NFIB: variants seen among roughly 807,000 people sequenced by gnomAD.
The protein encoded by NFIB is nuclear factor I B, also known as nuclear factor 1 B-type.
NFIB carries 11 observed loss-of-function variants against 61.5 expected under a neutral mutation model. That is an observed-to-expected ratio of 0.18 (90% confidence interval 0.11 to 0.30). The LOEUF (loss-of-function observed/expected upper bound fraction) is 0.30. Ranked by LOEUF, NFIB falls within the 10% of genes least tolerant of loss-of-function variation. NFIB has a pLI of 1.00. For synonymous variants in NFIB, 260 were observed against 216.5 expected, an observed-to-expected ratio of 1.20 and a Z score of -1.76; for missense variants, 471 against 608.9, an observed-to-expected ratio of 0.77 and a Z score of 2.38.
chr9:14,176,026 G>A (rs941297384), intron 3 of NFIB, among the ~76,000 whole-genome samples: 1 of 152,136 alleles, frequency 6.6e-6, no homozygotes, highest in Non-Finnish European at 1.5e-5. Context: ...TCCAAAGAAT[G>A]TAGACACACA....
chr9:14,264,914 T>C (rs1263173242), intron 2 of NFIB, among the ~76,000 whole-genome samples: 5 of 151,740 alleles, frequency 3.3e-5, no homozygotes, highest in Non-Finnish European at 5.9e-5. Context: ...CCTCTTAACA[T>C]GTTCCTGTGC....
intron 10 of NFIB, among the ~76,000 whole-genome samples, chr9:14,090,492 C>A (rs2033714072): frequency 6.6e-6 from 1 of 152,048 alleles, no homozygotes; most frequent in Non-Finnish European, 1.5e-5. Flanking sequence ...TCATAAATAT[C>A]TCTATCTGGG....
the NFIB span, among the ~76,000 whole-genome samples, chr9:14,446,287 C>A: frequency 6.6e-6 from 1 of 152,116 alleles, no homozygotes; most frequent in Non-Finnish European, 1.5e-5. Context: ...AACATTGTAT[C>A]AGTTCTGAAA....
At chr9:14,211,128 C>G (rs558508977) in intron 2 of NFIB, among the ~76,000 whole-genome samples, 1 of 152,060 alleles carries the variant, frequency 6.6e-6, no homozygotes, top group Non-Finnish European at 1.5e-5. Context: ...GAAAAACTTG[C>G]GGTAAAATTA....
rs866813182 is a variant in NFIB at position 14,272,653 on chromosome 9, A to G, written c.562+34336T>C. 2.7e-5 allele frequency among the ~76,000 whole-genome samples: 4 copies of G among 149,410 alleles called. No individual in the cohort carries two copies. The South Asian group carries it at 8.6e-4, about 32-fold the overall frequency. ...CTCCACTTTATCTTCTACCTCCAGGAAAGTCATCCACAGTAGCAACAGCTA... is the reference window on the plus strand; with the variant it reads ...CTCCACTTTATCTTCTACCTCCAGGGAAGTCATCCACAGTAGCAACAGCTA... On this transcript the variant is annotated intron_variant, in intron 2 of 10. Transcript: ENST00000380953.
At chr9:14,342,119 C>T (rs1332131010) in intron 1 of NFIB, among the ~76,000 whole-genome samples, 1 of 152,152 alleles carries the variant, frequency 6.6e-6, no homozygotes, top group Non-Finnish European at 1.5e-5. Flanking sequence ...AGCAAAAGCT[C>T]TCTGGGCCTG....
In NFIB at chr9:14,092,062, A is replaced by T. The variant is rs563591471; in HGVS notation, c.1468-3736T>A. ...TAGAGCTTAAGATGCATTACTGGTG[A>T]TGGTCCTGCTTCATTTTGTTATTGG... On this transcript the variant is annotated intron_variant, in intron 10 of 10. Coordinates refer to ENST00000380953, the MANE Select transcript of NFIB (RefSeq NM_001190737.2). Among the ~76,000 whole-genome samples, 12 of 152,272 alleles carry T rather than the reference A, an allele frequency of 7.9e-5. No individual in the cohort carries two copies. The South Asian group carries it at 2.1e-3, about 26-fold the overall frequency.
intron 1 of NFIB, among the ~76,000 whole-genome samples, chr9:14,340,792 C>T (rs2060940282): frequency 6.6e-6 from 1 of 152,066 alleles, no homozygotes; most frequent in Non-Finnish European, 1.5e-5. Flanking sequence ...GCTCTGTAGG[C>T]AGTTGTGCCA....
chr9:14,195,648 C>T (rs545215550), intron 2 of NFIB, among the ~76,000 whole-genome samples: 1 of 152,202 alleles, frequency 6.6e-6, no homozygotes, highest in Non-Finnish European at 1.5e-5. Flanking sequence ...AGTTTGGCTA[C>T]AGCAATCTGG....
intron 2 of NFIB, among the ~76,000 whole-genome samples, chr9:14,267,600 T>A (rs982566415): frequency 6.6e-6 from 1 of 152,216 alleles, no homozygotes; most frequent in Non-Finnish European, 1.5e-5. Context: ...CTATGTATTA[T>A]CTATGACCCT....
intron 4 of NFIB, among the ~76,000 whole-genome samples, chr9:14,155,301 A>G (rs559363856): frequency 1.4e-4 from 22 of 152,324 alleles, no homozygotes; most frequent in Non-Finnish European, 3.1e-4. Context: ...TGAAGTGGCC[A>G]GTTAAAACAA....
At chr9:14,176,348 A>G (rs1346968151) in intron 3 of NFIB, among the ~76,000 whole-genome samples, 25 of 152,098 alleles carry the variant, frequency 1.6e-4, no homozygotes, top group Admixed American at 6.6e-5. Flanking sequence ...GTATCCCTAG[A>G]AAAATGAAGT....
chr9:14,344,418 G>C (rs530225357), intron 1 of NFIB, among the ~76,000 whole-genome samples: 67 of 151,772 alleles, frequency 4.4e-4, no homozygotes, highest in African/African-American at 1.5e-3. Context: ...AGAAGGGGGG[G>C]GTAGAGGGAG....
chr9:14,324,853 T>C (rs2060733778), intron 1 of NFIB, among the ~76,000 whole-genome samples: 1 of 152,140 alleles, frequency 6.6e-6, no homozygotes, highest in African/African-American at 2.4e-5. Flanking sequence ...TGTACACATA[T>C]TATCATTAGA....
the NFIB span, among the ~76,000 whole-genome samples, chr9:14,499,941 G>C: frequency 6.6e-6 from 1 of 152,182 alleles, no homozygotes; most frequent in African/African-American, 2.4e-5. Context: ...TTTGGTTAAT[G>C]AGTGCTTCCT....
At chr9:14,179,066 T>G (rs945070938) in intron 3 of NFIB, among the ~76,000 whole-genome samples, 9 of 152,118 alleles carry the variant, frequency 5.9e-5, no homozygotes, top group Non-Finnish European at 1.2e-4. Flanking sequence ...TTTTATCTCA[T>G]GAGAAAAAAC....
intron 6 of NFIB, among the ~76,000 whole-genome samples, chr9:14,133,476 C>A (rs865840254): frequency 3.9e-5 from 6 of 152,236 alleles, no homozygotes; most frequent in Admixed American, 1.3e-4. Flanking sequence ...TGACAGGCTA[C>A]CAAATCAAGT....
the NFIB span, among the ~76,000 whole-genome samples, chr9:14,425,669 G>A: frequency 1.5e-5 from 2 of 132,700 alleles, no homozygotes; most frequent in African/African-American, 2.9e-5. Flanking sequence ...ACTTAATCTC[G>A]AGGTATTTGT....
In NFIB at chr9:14,325,247, A is replaced by G. The variant is rs568965454; in HGVS notation, c.109-17727T>C. ...TAGTTAAGCATTTTGGGCCTCTGGC[A>G]CATCTAACTGAGTGATTCCAGTGTT... On this transcript the variant is annotated intron_variant, in intron 1 of 8. Transcript: ENST00000380934. Among the ~76,000 whole-genome samples, 9 of 152,244 alleles carry G rather than the reference A, an allele frequency of 5.9e-5. No individual in the cohort carries two copies. In the East Asian group the frequency reaches 1.7e-3, roughly 29 times the overall value.
Sources: allele counts gnomAD v4.1 joint callset (sites outside exome capture counted in the v4.1 genomes callset), GRCh38; gene constraint gnomAD v4.1.1; transcripts MANE v1.5; gene names NCBI Gene and HGNC (gene_info 2026-07-23, HGNC 2026-07-21).